Variants in MDM2 observed in about 807,000 individuals in gnomAD.
The protein encoded by MDM2 is MDM2 proto-oncogene, also known as E3 ubiquitin-protein ligase Mdm2.
Under a neutral mutation model 64.3 loss-of-function variants are expected in MDM2, and 11 were observed. The ratio of observed to expected loss-of-function variants is 0.17; its 90% CI spans 0.11 to 0.28. The LOEUF (loss-of-function observed/expected upper bound fraction) is 0.28. MDM2 is among the 10% of genes least tolerant of loss of function. MDM2 has a pLI of 1.00. For missense variants in MDM2, 388 were observed against 577.1 expected (o/e 0.67, Z 3.36); for synonymous variants, 194 against 192.9 (o/e 1.01, Z -0.05).
intron 4 of MDM2, among the ~76,000 whole-genome samples, chr12:68,817,320 T>C (rs1881467216): frequency 6.6e-6 from 1 of 152,238 alleles, no homozygotes; most frequent in Non-Finnish European, 1.5e-5. Context: ...GCTGTAGCTA[T>C]TATAACTTTT....
At chr12:68,836,575 TGTA>T (rs764959164) in intron 9 of MDM2, 94 bp from the exon 10 acceptor site, 21 of 841,290 alleles carry the variant, frequency 2.5e-5, no homozygotes, top group Non-Finnish European at 3.7e-5. Context: ...TCTCATATAT[TGTA>T]GTACATGATA....
At chr12:68,814,361 ATT>A (rs1418943127) in intron 3 of MDM2, among the ~76,000 whole-genome samples, 2 of 152,190 alleles carry the variant, frequency 1.3e-5, no homozygotes, top group African/African-American at 4.8e-5. Flanking sequence ...GCCAATAAAT[ATT>A]ATCTTGATAT....
intron 8 of MDM2, among the ~76,000 whole-genome samples, chr12:68,829,734 C>T (rs948272435): frequency 2.1e-5 from 3 of 144,952 alleles, no homozygotes; most frequent in South Asian, 4.3e-4. Flanking sequence ...CCACTGCACT[C>T]TAGCCTGGGT....
chr12:68,836,500 T>C, intron 9 of MDM2, 172 bp from the exon 10 acceptor site: 1 of 526,820 alleles, frequency 1.9e-6, no homozygotes, highest in Non-Finnish European at 3.4e-6. Flanking sequence ...TGGGTAAGGA[T>C]TTCTCTCTCC....
intron 8 of MDM2, among the ~76,000 whole-genome samples, chr12:68,833,138 AAAAAAAAAAAAAT>A (rs1224679433): frequency 6.8e-5 from 8 of 117,608 alleles, no homozygotes; most frequent in African/African-American, 2.4e-4. Context: ...AAAAAAAAAA[AAAAAAAAAAAAAT>A]ATATATATAT....
chr12:68,833,284 TAA>T lies in MDM2; in HGVS notation c.685-2543_685-2542del, dbSNP rs74212971. On this transcript the variant is annotated intron_variant, in intron 8 of 10. Coordinates refer to ENST00000258149, the MANE Select transcript of MDM2 (RefSeq NM_002392.6). ...ATATAATTATATATTTATATAAATA[TAA>T]ATATATATATTTATATAAATATAAA... Among the ~76,000 whole-genome samples the T allele has an allele frequency of 4.6e-3, 541 of 117,490 alleles. 28 individuals are homozygous for T. The highest frequency in any genetic ancestry group is 8.1e-3 in the Middle Eastern group (2 of 248). The allele number at this position is 117,490 out of a possible 152,430, so 77.1% of individuals were successfully genotyped here. A position where few individuals can be genotyped will look rare whatever the true frequency, so the allele number is the denominator to read the frequency against.
rs149575881 is a variant in MDM2, at chr12:68,843,986, T to C, written c.*4137T>C. ...ATACTGAAGCTAGAACCAAGCAGAA[T>C]CTGTTTTTTTCTGAGGAGTATCGGT... is the stretch of plus-strand genomic sequence containing the variant. On this transcript the variant is annotated 3_prime_UTR_variant, in exon 11 of 11. Coordinates refer to ENST00000258149, the MANE Select transcript of MDM2 (RefSeq NM_002392.6). 4.3e-3 allele frequency: 899 copies of C among 207,992 alleles called. 9 individuals carry two copies. The highest frequency in any genetic ancestry group is 0.018 in the African/African-American group (803 of 43,926). The allele number at this position is 207,992 out of a possible 1,614,324, so 12.9% of individuals were successfully genotyped here.
chr12:68,827,329 A>G (rs1882424805), intron 7 of MDM2, among the ~76,000 whole-genome samples: 2 of 152,138 alleles, frequency 1.3e-5, no homozygotes, highest in Admixed American at 1.3e-4. Context: ...ACTCAAGTAC[A>G]TGACTCAAGA....
chr12:68,838,792 A>G (rs1384743327), intron 10 of MDM2, among the ~76,000 whole-genome samples: 1 of 152,240 alleles, frequency 6.6e-6, no homozygotes, highest in Non-Finnish European at 1.5e-5. Context: ...CTTTATAGGT[A>G]CATGATTAAT....
At chr12:68,847,196 T>TTTTATATATATATATATATATATATA (rs1884365281), downstream of MDM2, 2 of 92,080 alleles carry the variant, frequency 2.2e-5, no homozygotes, top group Admixed American at 2.0e-4. Flanking sequence ...TGTGTGTACA[T>TTTTATATATATATATATATATATATA]TATATATATA....
At chr12:68,825,677 G>A (rs1882255940) in intron 7 of MDM2, among the ~76,000 whole-genome samples, 2 of 152,170 alleles carry the variant, frequency 1.3e-5, no homozygotes, top group Admixed American at 6.5e-5. Context: ...GAAAATAGTT[G>A]ACAGAGAGAA....
chr12:68,842,804 GATTTTA>G lies in MDM2; in HGVS notation c.*2958_*2963del, dbSNP rs1433050095. On this transcript the variant is annotated 3_prime_UTR_variant, in exon 11 of 11. Transcript: ENST00000258149. The stretch of plus-strand genomic sequence containing the variant: ...TAGCTCAAATAATATCTTTTATTTT[GATTTTA>G]ATATTTCTTATTTTGGTTTATTAGT... 1.0e-5 allele frequency: 2 copies of G among 195,906 alleles called. No homozygotes were observed. The highest frequency in any genetic ancestry group is 4.6e-5 in the African/African-American group (2 of 43,018). 12.1% of individuals were successfully genotyped at this position (195,906 alleles called of 1,614,324 possible). A position where few individuals can be genotyped will look rare whatever the true frequency, so the allele number is the denominator to read the frequency against.
chr12:68,808,864 G>T, intron 1 of MDM2: 1 of 1,340,784 alleles, frequency 7.5e-7, no homozygotes, highest in South Asian at 1.8e-5. Flanking sequence ...GCTGCGCGTA[G>T]TCTGGGCGGG....
At position 68,839,869 on chromosome 12, in the gene MDM2, A is replaced by G. The variant is rs746151513; in HGVS notation, c.*20A>G. On this transcript the variant is annotated 3_prime_UTR_variant, in exon 11 of 11. Transcript: ENST00000258149. The stretch of plus-strand genomic sequence containing the variant: ...CCCTAGTTGACCTGTCTATAAGAGA[A>G]TTATATATTTCTAACTATATAACCC... 3 of 1,602,976 alleles carry G rather than the reference A, an allele frequency of 1.9e-6. No homozygotes were observed. The highest frequency in any genetic ancestry group is 4.5e-5 in the East Asian group (2 of 44,722).
In MDM2 at chr12:68,808,223, T is replaced by G; in HGVS notation, c.-255T>G. ...GGCGAGCTTGGCTGCTTCTGGGGCC[T>G]GTGTGGCCCTGTGTGTCGGAAAGAT... On this transcript the variant is annotated 5_prime_UTR_variant, in exon 1 of 11. Transcript: ENST00000258149. 1.8e-6 allele frequency: 1 copy of G among 543,182 alleles called. No homozygotes were observed. Among genetic ancestry groups the G allele is most frequent in the African/African-American group, 2.0e-5 (1 of 50,088 alleles). 33.6% of individuals were successfully genotyped at this position (543,182 alleles called of 1,614,324 possible). A position where few individuals can be genotyped will look rare whatever the true frequency, so the allele number is the denominator to read the frequency against.
intron 8 of MDM2, among the ~76,000 whole-genome samples, chr12:68,835,482 T>C (rs1883229057): frequency 6.6e-6 from 1 of 152,258 alleles, no homozygotes; most frequent in African/African-American, 2.4e-5. Context: ...ACAGTCACAC[T>C]GTAGGTACTT....
At chr12:68,814,564 T>TC (rs1369765772) in intron 3 of MDM2, 1 of 354,966 alleles carries the variant, frequency 2.8e-6, no homozygotes, top group East Asian at 8.0e-5. Context: ...ATTTTTTTTT[T>TC]CCCATCCAAA....
chr12:68,834,970 A>T (rs1283824889), intron 8 of MDM2, among the ~76,000 whole-genome samples: 1 of 151,940 alleles, frequency 6.6e-6, no homozygotes, highest in Non-Finnish European at 1.5e-5. Context: ...CAGCTACAGA[A>T]TTTTTTTTAA....
At chr12:68,834,091 A>T (rs1213574159) in intron 8 of MDM2, among the ~76,000 whole-genome samples, 4 of 152,216 alleles carry the variant, frequency 2.6e-5, no homozygotes, top group African/African-American at 7.2e-5. Flanking sequence ...TGATACAGAT[A>T]TGGAAATCAT....
Sources: gnomAD v4.1 joint callset for allele counts (sites outside exome capture counted in the v4.1 genomes callset) on GRCh38, gnomAD v4.1.1 for gene constraint, MANE v1.5 for transcripts, NCBI Gene and HGNC (gene_info 2026-07-23, HGNC 2026-07-21) for gene names.